The following ACVR2B variants were observed in gnomAD, a reference collection of about 807,000 sequenced individuals.
ACVR2B encodes the protein activin receptor type-2B.
Under a neutral mutation model 65.1 loss-of-function variants are expected in ACVR2B, and 18 were observed. That is an observed-to-expected ratio of 0.28 (90% CI 0.19 to 0.41). ACVR2B has a LOEUF of 0.41. Among genes scored for constraint, ACVR2B ranks in the 10% least tolerant of loss-of-function variants. The probability of loss-of-function intolerance (pLI) is 1.00; values close to 1 mark genes in which losing one functional copy is unlikely to be tolerated. For missense variants in ACVR2B, 482 were observed against 682.7 expected, an observed-to-expected ratio of 0.71 and a Z score of 3.28; for synonymous variants, 298 against 277.7, an observed-to-expected ratio of 1.07 and a Z score of -0.73.
At chr3:38,463,710 C>T (rs1031922782) in intron 1 of ACVR2B, among the ~76,000 whole-genome samples, 1 of 152,188 alleles carries the variant, frequency 6.6e-6, no homozygotes, top group Non-Finnish European at 1.5e-5. Context: ...AATGATACTC[C>T]AATCAGCTTT....
At position 38,487,969 on chromosome 3, in the gene ACVR2B, G is replaced by A. The variant is rs1312531866; in HGVS notation, c.*4637G>A. The A allele has an allele frequency of 1.3e-5, 2 of 152,090 alleles. No homozygotes were observed. The highest frequency in any genetic ancestry group is 2.9e-5 in the Non-Finnish European group (2 of 68,034). The allele number at this position is 152,090 out of a possible 1,614,324, so 9.4% of individuals were successfully genotyped here. A position where few individuals can be genotyped will look rare whatever the true frequency, so the allele number is the denominator to read the frequency against. ...GGCCACGCCTGATTCCCATTTCAGG[G>A]GCATCAGACCATACCTTTTTAAGAA... On this transcript the variant is annotated 3_prime_UTR_variant, in exon 11 of 11. Transcript: ENST00000352511.
At position 38,489,279 on chromosome 3, in the gene ACVR2B, T is replaced by G. The variant is rs1217586235; in HGVS notation, c.*5947T>G. 3.9e-5 allele frequency: 6 copies of G among 152,814 alleles called. No individual in the cohort carries two copies. Among genetic ancestry groups the G allele is most frequent in the Non-Finnish European group, 8.8e-5 (6 of 68,034 alleles). 9.5% of individuals were successfully genotyped at this position (152,814 alleles called of 1,614,324 possible). On this transcript the variant is annotated 3_prime_UTR_variant, in exon 11 of 11. Coordinates refer to ENST00000352511, the MANE Select transcript of ACVR2B (RefSeq NM_001106.4). Reference sequence around the variant, plus strand: ...AGTTCTACATATATATTTAGTTATATCACTTGACAGATTTCTTCTACACAG... The same window carrying G: ...AGTTCTACATATATATTTAGTTATAGCACTTGACAGATTTCTTCTACACAG...
intron 1 of ACVR2B, among the ~76,000 whole-genome samples, chr3:38,461,505 C>T (rs938271847): frequency 1.3e-5 from 2 of 152,052 alleles, no homozygotes; most frequent in Non-Finnish European, 2.9e-5. Flanking sequence ...CTGGCTGGCT[C>T]CTTCTGTGAA....
chr3:38,457,531 G>A (rs965220813), intron 1 of ACVR2B, among the ~76,000 whole-genome samples: 6 of 152,218 alleles, frequency 3.9e-5, no homozygotes, highest in African/African-American at 1.4e-4. Context: ...GTGCTTGGCC[G>A]AGTGTCCTTG....
In ACVR2B at chr3:38,486,837, A is replaced by G. The variant is rs1710130669; in HGVS notation, c.*3505A>G. On this transcript the variant is annotated 3_prime_UTR_variant, in exon 11 of 11. Coordinates refer to ENST00000352511, the MANE Select transcript of ACVR2B (RefSeq NM_001106.4). ...CCCTAGTTGGAGAAATCCAGTAATG[A>G]GCAGAAGGAGGAAGCAAGTGAGGAC... The G allele has an allele frequency of 6.6e-6, 1 of 152,330 alleles. No individual in the cohort carries two copies. The highest frequency in any genetic ancestry group is 2.4e-5 in the African/African-American group (1 of 41,462). The allele number at this position is 152,330 out of a possible 1,614,324, so 9.4% of individuals were successfully genotyped here.
rs546892166 is a variant in ACVR2B at position 38,481,569 on chromosome 3, C to T, written c.1074+104C>T. 73 of 885,054 alleles carry T rather than the reference C, an allele frequency of 8.2e-5. No homozygotes were observed. The Admixed American group carries it at 9.3e-4, about 11-fold the overall frequency. 54.8% of individuals were successfully genotyped at this position (885,054 alleles called of 1,614,324 possible). On this transcript the variant is annotated intron_variant, in intron 8 of 10. Transcript: ENST00000352511. This position sits in a 1 kb window ranked among gnomAD's most constrained non-coding sequence, Gnocchi z 4.7. The stretch of plus-strand genomic sequence containing the variant: ...GTGCAGGGATGAGGGTGACTGCATG[C>T]GTTCAGAGCTGTCTGAGAACTTAGA...
chr3:38,477,731 G>C lies in ACVR2B; in HGVS notation c.261-130G>C. 9.1e-7 allele frequency: 1 copy of C among 1,094,684 alleles called. No homozygotes were observed. Among genetic ancestry groups the C allele is most frequent in the Non-Finnish European group, 1.4e-6 (1 of 707,242 alleles). The allele number at this position is 1,094,684 out of a possible 1,614,324, so 67.8% of individuals were successfully genotyped here. A position where few individuals can be genotyped will look rare whatever the true frequency, so the allele number is the denominator to read the frequency against. On this transcript the variant is annotated intron_variant, in intron 2 of 10. Coordinates refer to ENST00000352511, the MANE Select transcript of ACVR2B (RefSeq NM_001106.4). This position sits in a 1 kb window ranked among gnomAD's most constrained non-coding sequence, Gnocchi z 6.7. Reference sequence around the variant, plus strand: ...TTGGCTTTGGGTCTCCTGTAGGGGAGGTGAGTTCACACCGTCCCCCTGGTG... The same window carrying C: ...TTGGCTTTGGGTCTCCTGTAGGGGACGTGAGTTCACACCGTCCCCCTGGTG...
At chr3:38,473,660 G>A (rs893685536) in intron 1 of ACVR2B, 5 of 152,420 alleles carry the variant, frequency 3.3e-5, no homozygotes, top group African/African-American at 9.7e-5. Context: ...TCATACAGGG[G>A]ACTTGTGTTA....
At chr3:38,479,656 G>C (rs1455442767) in intron 6 of ACVR2B, 22 bp from the exon 7 acceptor site, 1 of 1,613,784 alleles carries the variant, frequency 6.2e-7, no homozygotes, top group Non-Finnish European at 8.5e-7. Flanking sequence ...CTGTGCTCAA[G>C]TTCTGTGCTG....
chr3:38,474,212 G>C (rs939449891), intron 1 of ACVR2B: 1 of 152,558 alleles, frequency 6.6e-6, no homozygotes, highest in Non-Finnish European at 1.5e-5. Flanking sequence ...TGGGTCCTCT[G>C]AGATTTGGAA....
chr3:38,475,318 A>T (rs1709889041), intron 1 of ACVR2B: 2 of 152,036 alleles, frequency 1.3e-5, no homozygotes, highest in South Asian at 4.2e-4. Flanking sequence ...CTCTCTGTGG[A>T]CCCTGAGGCC....
At chr3:38,459,505 TGG>T in intron 1 of ACVR2B, 1 of 820,812 alleles carries the variant, frequency 1.2e-6, no homozygotes, top group Admixed American at 6.2e-5. Context: ...TCTGCTCACC[TGG>T]GGGCCTCAGG....
intron 1 of ACVR2B, among the ~76,000 whole-genome samples, chr3:38,466,176 A>G (rs1041865631): frequency 6.6e-6 from 1 of 152,220 alleles, no homozygotes; most frequent in African/African-American, 2.4e-5. Context: ...TCTCATAGAA[A>G]TAGAGCGTAG....
At chr3:38,461,995 C>G (rs1003543855) in intron 1 of ACVR2B, among the ~76,000 whole-genome samples, 4 of 152,024 alleles carry the variant, frequency 2.6e-5, no homozygotes. Flanking sequence ...GAGTTCAAGA[C>G]CAGCCTGACC....
rs13072731 is a variant in ACVR2B, at chr3:38,491,844, A to C, written c.*8512A>C. 0.49 allele frequency: 74,187 copies of C among 152,012 alleles called. 20,256 individuals carry two copies. Among genetic ancestry groups the C allele is most frequent in the Non-Finnish European group, 0.62 (41,977 of 67,936 alleles). The allele number at this position is 152,012 out of a possible 1,614,324, so 9.4% of individuals were successfully genotyped here. On this transcript the variant is annotated 3_prime_UTR_variant, in exon 11 of 11. Coordinates refer to ENST00000352511, the MANE Select transcript of ACVR2B (RefSeq NM_001106.4). ...GAATTGAGGGAGAGGGTTACCGCAGAGTAGAAATATATTTCTAGATTTCAG... is the reference window on the plus strand; with the variant it reads ...GAATTGAGGGAGAGGGTTACCGCAGCGTAGAAATATATTTCTAGATTTCAG...
At position 38,477,292 on chromosome 3, in the gene ACVR2B, G is replaced by T; in HGVS notation, c.58G>T (p.Gly20Trp). Reference sequence around the variant, plus strand: ...CTCTTTTCTCTGGGGCACAGGCTCTGGGCGTGGGGAGGCTGAGACACGGGA... The same window carrying T: ...CTCTTTTCTCTGGGGCACAGGCTCTTGGCGTGGGGAGGCTGAGACACGGGA... The part of the protein sequence containing the change: ...LLWGSLCAGS[G>W]RGEAETRECI... Residue 20 changes from glycine to tryptophan, a missense_variant, in exon 2 of 11, where the codon GGG (glycine) becomes TGG (tryptophan). Physicochemically the swap from Gly to Trp is radical, Grantham distance 184. This residue lies in a region of ACVR2B where 41 missense variants were observed against 38.2 expected (regional missense o/e 1.07). Transcript: ENST00000352511. This position sits in a 1 kb window ranked among gnomAD's most constrained non-coding sequence, Gnocchi z 6.7. 1 of 1,614,058 alleles carries T rather than the reference G, an allele frequency of 6.2e-7. No homozygotes were observed. The highest frequency in any genetic ancestry group is 8.5e-7 in the Non-Finnish European group (1 of 1,179,952).
chr3:38,483,305 C>T lies in ACVR2B; in HGVS notation c.1512C>T (p.Asp504=), dbSNP rs1710052810. The change falls in exon 11 of 11, where the codon GAC becomes GAT. Residue 504 remains aspartate, a synonymous_variant. Transcript: ENST00000352511. This position sits in a 1 kb window ranked among gnomAD's most constrained non-coding sequence, Gnocchi z 4.8. ...VSLVTSVTNV[D]LPPKESSI ...TGGTGACCTCTGTCACCAATGTGGA[C>T]CTGCCCCCTAAAGAGTCAAGCATCT... is the stretch of plus-strand genomic sequence containing the variant. The T allele has an allele frequency of 6.2e-7, 1 of 1,614,064 alleles. No homozygotes were observed. Among genetic ancestry groups the T allele is most frequent in the Non-Finnish European group, 8.5e-7 (1 of 1,180,012 alleles).
intron 1 of ACVR2B, among the ~76,000 whole-genome samples, chr3:38,461,595 C>T (rs1318951543): frequency 6.6e-6 from 1 of 152,078 alleles, no homozygotes; most frequent in Non-Finnish European, 1.5e-5. Context: ...ATCTCCCCTG[C>T]CCTGAAACCT....
At chr3:38,457,136 A>G (rs1026898391) in intron 1 of ACVR2B, among the ~76,000 whole-genome samples, 1 of 152,198 alleles carries the variant, frequency 6.6e-6, no homozygotes, top group Non-Finnish European at 1.5e-5. Context: ...CCCGGGAGGT[A>G]GAGGTTGCAG....
Sources: gnomAD v4.1 joint callset for allele counts (sites outside exome capture counted in the v4.1 genomes callset) on GRCh38, gnomAD v4.1.1 for gene constraint, gnomAD v4.1.1 regional missense constraint, Gnocchi (gnomAD v3.1) non-coding constraint, MANE v1.5 for transcripts, NCBI Gene and HGNC (gene_info 2026-07-23, HGNC 2026-07-21) for gene names.